FAM228A: variants seen among roughly 807,000 people sequenced by gnomAD.
The protein encoded by FAM228A is family with sequence similarity 228 member A, also known as protein FAM228A.
In FAM228A, 13 loss-of-function variants were observed where a neutral mutation model predicts 18.6. The observed-to-expected ratio is 0.70, with a 90% CI of 0.45 to 1.11. The LOEUF is 1.11. Among genes scored for constraint, FAM228A ranks in the 50% least tolerant of loss-of-function variants. The pLI is 0.00. For missense variants in FAM228A, 240 were observed against 242.2 expected, an observed-to-expected ratio of 0.99 and a Z score of 0.06; for synonymous variants, 77 against 86.6, an observed-to-expected ratio of 0.89 and a Z score of 0.61.
intron 2 of FAM228A, 45 bp from the exon 3 acceptor site, chr2:24,177,757 G>T (rs1392945293): frequency 2.7e-6 from 3 of 1,117,750 alleles, no homozygotes; most frequent in Non-Finnish European, 4.0e-6. Context: ...ATTGTAGTTT[G>T]TTTCTTCAGG....
At chr2:24,175,253 C>G in intron 1 of FAM228A, 79 bp downstream of exon 1, 1 of 527,780 alleles carries the variant, frequency 1.9e-6, no homozygotes. Context: ...GGGCGCGCCC[C>G]GGAGGAAAGG....
rs181336864 is a variant in FAM228A at position 24,183,733 on chromosome 2, G to A, written c.401+88G>A. 2.5e-4 allele frequency: 275 copies of A among 1,106,794 alleles called. 2 individuals carry two copies. In the African/African-American group the frequency reaches 4.0e-3, roughly 16 times the overall value. 68.6% of individuals were successfully genotyped at this position (1,106,794 alleles called of 1,614,324 possible). A position where few individuals can be genotyped will look rare whatever the true frequency, so the allele number is the denominator to read the frequency against. ...AGCTCTTGTAACTAGTCACACTTTT[G>A]TCTTTTAGTAGTTTATAGTTTTATT... is the stretch of plus-strand genomic sequence containing the variant. On this transcript the variant is annotated intron_variant, in intron 5 of 5. Coordinates refer to ENST00000295150, the MANE Select transcript of FAM228A (RefSeq NM_001040710.3).
intron 3 of FAM228A, among the ~76,000 whole-genome samples, chr2:24,178,363 G>A (rs771007748): frequency 6.6e-6 from 1 of 152,106 alleles, no homozygotes; most frequent in Non-Finnish European, 1.5e-5. Flanking sequence ...CCAGGAGTTT[G>A]AGAGTTTGAG....
Position 24,183,546 on chromosome 2 carries a change from A to G in FAM228A, c.302A>G (p.His101Arg), listed in dbSNP as rs776795406. ...GAAGAAATAGAGAAGGCCAGGCTGC[A>G]TGCCAGCTCGCCCTACTTCACTTTC... The part of the protein sequence containing the change: ...ELEEIEKARL[H>R]ASSPYFTFTS... Residue 101 changes from histidine (H) to arginine (R), a missense_variant, in exon 5 of 6, where the codon CAT becomes CGT. Coordinates refer to ENST00000295150, the MANE Select transcript of FAM228A (RefSeq NM_001040710.3). 1.2e-6 allele frequency: 2 copies of G among 1,614,060 alleles called. No homozygotes were observed. The highest frequency in any genetic ancestry group is 2.2e-5 in the East Asian group (1 of 44,892).
intron 5 of FAM228A, among the ~76,000 whole-genome samples, chr2:24,189,916 G>A (rs543681190): frequency 7.9e-5 from 12 of 152,132 alleles, no homozygotes; most frequent in South Asian, 2.1e-4. Flanking sequence ...CTCGGGGGAC[G>A]GACTGGGAGG....
intron 5 of FAM228A, among the ~76,000 whole-genome samples, chr2:24,187,590 T>A (rs1041179427): frequency 6.6e-6 from 1 of 152,222 alleles, no homozygotes; most frequent in Non-Finnish European, 1.5e-5. Flanking sequence ...TTCATCTCTC[T>A]TCCCCACTAA....
At chr2:24,188,606 C>G (rs1314263794) in intron 5 of FAM228A, 2 of 985,246 alleles carry the variant, frequency 2.0e-6, no homozygotes, top group South Asian at 4.7e-5. Context: ...ACCAAAGATG[C>G]TAGAAGCACA....
chr2:24,190,381 T>A, intron 5 of FAM228A, 31 bp from the exon 6 acceptor site: 1 of 1,568,840 alleles, frequency 6.4e-7, no homozygotes. Flanking sequence ...CTGTGCTGAA[T>A]CGAGACAATT....
In FAM228A at chr2:24,175,963, T is replaced by C. The variant is rs545308619; in HGVS notation, c.93+390T>C. 28 of 1,023,256 alleles carry C rather than the reference T, an allele frequency of 2.7e-5. No individual in the cohort carries two copies. The South Asian group carries it at 9.7e-4, about 36-fold the overall frequency. The allele number at this position is 1,023,256 out of a possible 1,614,324, so 63.4% of individuals were successfully genotyped here. A position where few individuals can be genotyped will look rare whatever the true frequency, so the allele number is the denominator to read the frequency against. ...GAAAAACTCTTGGAAATTTCCTTTC[T>C]TTTTCCCCTTTTGCCCTAGTGGCGG... On this transcript the variant is annotated intron_variant, in intron 2 of 5. Coordinates refer to ENST00000295150, the MANE Select transcript of FAM228A (RefSeq NM_001040710.3).
chr2:24,183,489 C>CT lies in FAM228A; in HGVS notation c.251-5dup, dbSNP rs1399044252. The CT allele has an allele frequency of 6.2e-7, 1 of 1,609,320 alleles. No individual in the cohort carries two copies. The highest frequency in any genetic ancestry group is 8.5e-7 in the Non-Finnish European group (1 of 1,177,822). Reference sequence around the variant, plus strand: ...GTGTTGATTTCGATTTTTTATCTTCCTGTAGGAAAACGACATTCCATAAAA... The same window carrying CT: ...GTGTTGATTTCGATTTTTTATCTTCCTTGTAGGAAAACGACATTCCATAAAA... On this transcript the variant is annotated splice_region_variant and splice_polypyrimidine_tract_variant and intron_variant, in intron 4 of 5. Coordinates refer to ENST00000295150, the MANE Select transcript of FAM228A (RefSeq NM_001040710.3).
intron 3 of FAM228A, among the ~76,000 whole-genome samples, chr2:24,181,506 T>G (rs746854007): frequency 6.6e-6 from 1 of 152,222 alleles, no homozygotes; most frequent in Non-Finnish European, 1.5e-5. Context: ...TGCCTTAGCC[T>G]GCCAGGTAGC....
chr2:24,187,696 C>T (rs1200046704), intron 5 of FAM228A, among the ~76,000 whole-genome samples: 2 of 152,256 alleles, frequency 1.3e-5, no homozygotes, highest in South Asian at 2.1e-4. Context: ...TTAGCCTTTT[C>T]GGACTTCACC....
chr2:24,190,917 C>G lies in FAM228A; in HGVS notation c.*286C>G, dbSNP rs1005691664. 29 of 1,123,640 alleles carry G rather than the reference C, an allele frequency of 2.6e-5. No homozygotes were observed. The highest frequency in any genetic ancestry group is 3.0e-5 in the Non-Finnish European group (28 of 918,414). 69.6% of individuals were successfully genotyped at this position (1,123,640 alleles called of 1,614,324 possible). A position where few individuals can be genotyped will look rare whatever the true frequency, so the allele number is the denominator to read the frequency against. On this transcript the variant is annotated 3_prime_UTR_variant, in exon 6 of 6. Coordinates refer to ENST00000295150, the MANE Select transcript of FAM228A (RefSeq NM_001040710.3). ...CTGAGATTTCTTCAGCGCCTTCGCC[C>G]GGGCCTTTGCCCTTCTGCCACTTTC...
chr2:24,175,878 G>T, intron 2 of FAM228A: 1 of 1,087,460 alleles, frequency 9.2e-7, no homozygotes, highest in Non-Finnish European at 1.1e-6. Flanking sequence ...TTCAGCGTCT[G>T]GTAATGATTT....
chr2:24,175,615 G>C (rs780005959), intron 2 of FAM228A, 42 bp downstream of exon 2: 2 of 1,439,120 alleles, frequency 1.4e-6, no homozygotes, highest in South Asian at 2.3e-5. Context: ...TTGGCGGGGG[G>C]ACCCCTCGAG....
chr2:24,182,810 GC>G (rs149286937), intron 3 of FAM228A, among the ~76,000 whole-genome samples: 3,535 of 152,234 alleles, frequency 0.023, 65 homozygotes, highest in Non-Finnish European at 0.035. Flanking sequence ...ACTGGCTGAT[GC>G]AATGACACAG....
chr2:24,184,154 T>G (rs1573806177), intron 5 of FAM228A, among the ~76,000 whole-genome samples: 1 of 152,098 alleles, frequency 6.6e-6, no homozygotes, highest in African/African-American at 2.4e-5. Context: ...CCGAGGCAGG[T>G]GGACCACCTG....
At chr2:24,189,298 C>T (rs986356548) in intron 5 of FAM228A, among the ~76,000 whole-genome samples, 2 of 152,178 alleles carry the variant, frequency 1.3e-5, no homozygotes, top group Admixed American at 6.5e-5. Context: ...CCACCCTTTC[C>T]GGCCTCATCA....
intron 5 of FAM228A, chr2:24,188,555 C>A (rs1668009544): frequency 1.0e-6 from 1 of 985,118 alleles, no homozygotes; most frequent in Non-Finnish European, 1.2e-6. Flanking sequence ...GGTTAAATAC[C>A]CACCTGTCAG....
Sources: allele counts gnomAD v4.1 joint callset (sites outside exome capture counted in the v4.1 genomes callset), GRCh38; gene constraint gnomAD v4.1.1; transcripts MANE v1.5; gene names NCBI Gene and HGNC (gene_info 2026-07-23, HGNC 2026-07-21).